The following RIN3 variants were observed in gnomAD, a reference collection of about 807,000 sequenced individuals.
RIN3 encodes Ras and Rab interactor 3.
RIN3 carries 54 observed loss-of-function variants against 76.3 expected under a neutral mutation model. That is an observed-to-expected ratio of 0.71 (90% CI 0.57 to 0.89). RIN3 has a LOEUF of 0.89. RIN3 is among the 40% of genes least tolerant of loss of function. RIN3 has a pLI of 0.00. For missense variants in RIN3, 1,256 were observed against 1,322.1 expected, an observed-to-expected ratio of 0.95 and a Z score of 0.78; for synonymous variants, 576 against 564.0, an observed-to-expected ratio of 1.02 and a Z score of -0.30.
rs1239606053 is a variant in RIN3, at chr14:92,652,117, G to C, written c.1068G>C (p.Glu356Asp). The change falls in exon 6 of 10, where the codon GAG (glutamate) becomes GAC (aspartate). Residue 356 changes from glutamate (E) to aspartate (D), a missense_variant. Glu to Asp is a conservative substitution (Grantham distance 45, BLOSUM62 2). Coordinates refer to ENST00000216487, the MANE Select transcript of RIN3 (RefSeq NM_024832.5). The surrounding 1 kb of genome is among the most constrained non-coding windows in gnomAD (Gnocchi z 6.4). ...CPTAGLGPLR[E>D]EAMKPGAASS... ...CTGCAGGCCTGGGCCCCCTCAGGGA[G>C]GAAGCGATGAAGCCAGGGGCAGCCT... 1 of 1,608,308 alleles carries C rather than the reference G, an allele frequency of 6.2e-7. No individual in the cohort carries two copies. The highest frequency in any genetic ancestry group is 2.2e-5 in the East Asian group (1 of 44,858).
chr14:92,611,530 C>T (rs7156927), intron 3 of RIN3, among the ~76,000 whole-genome samples: 76,218 of 151,938 alleles, frequency 0.5, 19,948 homozygotes, highest in Admixed American at 0.61. Context: ...TTGGATTACA[C>T]GTGTGAGCCA....
chr14:92,628,592 A>C (rs1397403460), intron 4 of RIN3, among the ~76,000 whole-genome samples: 1 of 152,130 alleles, frequency 6.6e-6, no homozygotes, highest in South Asian at 2.1e-4. Context: ...GTAATTTGAT[A>C]AGGCCACGCT....
chr14:92,662,274 C>T (rs996018175), intron 7 of RIN3, among the ~76,000 whole-genome samples: 6 of 95,764 alleles, frequency 6.3e-5, no homozygotes, highest in African/African-American at 3.8e-4. Flanking sequence ...CAGAGGTGTC[C>T]TACAGGGAAG....
chr14:92,625,832 T>G (rs749038035), intron 4 of RIN3, among the ~76,000 whole-genome samples: 32 of 152,198 alleles, frequency 2.1e-4, no homozygotes, highest in South Asian at 6.2e-4. Context: ...ATAAGTTTCA[T>G]TTTTTGTTTT....
intron 5 of RIN3, among the ~76,000 whole-genome samples, chr14:92,649,405 G>A (rs147405944): frequency 6.6e-6 from 1 of 152,088 alleles, no homozygotes. Flanking sequence ...GGCCTGTGTA[G>A]ACATGGGCAC....
chr14:92,587,198 C>G (rs996392299), intron 3 of RIN3, among the ~76,000 whole-genome samples: 1 of 152,192 alleles, frequency 6.6e-6, no homozygotes, highest in Non-Finnish European at 1.5e-5. Context: ...TAGAGCTTGA[C>G]TGTGTGGGAG....
intron 3 of RIN3, among the ~76,000 whole-genome samples, chr14:92,599,936 C>T (rs1484854005): frequency 6.6e-6 from 1 of 152,122 alleles, no homozygotes; most frequent in Non-Finnish European, 1.5e-5. Context: ...GAGCCCTGAC[C>T]CCAGGCAGTC....
chr14:92,582,111 G>C (rs2140065460), intron 3 of RIN3, among the ~76,000 whole-genome samples: 1 of 152,338 alleles, frequency 6.6e-6, no homozygotes, highest in South Asian at 2.1e-4. Flanking sequence ...AGGAGGCACA[G>C]ATGGGCCTAG....
Position 92,643,698 on chromosome 14 carries a change from C to T in RIN3, c.532+2369C>T, listed in dbSNP as rs972285548. 1.3e-5 allele frequency among the ~76,000 whole-genome samples: 2 copies of T among 152,130 alleles called. No individual in the cohort carries two copies. Among genetic ancestry groups the T allele is most frequent in the South Asian group, 2.1e-4 (1 of 4,830 alleles). On this transcript the variant is annotated intron_variant, in intron 5 of 9. Transcript: ENST00000216487. This position sits in a 1 kb window ranked among gnomAD's most constrained non-coding sequence, Gnocchi z 4.8. ...ATCTCAGCACTTTGGGAGGCCGAGG[C>T]GGGCAGATAACCTGAAGTCAGGAGT...
At chr14:92,560,143 G>C (rs1897719573) in intron 2 of RIN3, among the ~76,000 whole-genome samples, 1 of 152,210 alleles carries the variant, frequency 6.6e-6, no homozygotes, top group African/African-American at 2.4e-5. Context: ...GTGCGAGAAG[G>C]CTGGACACTC....
intron 4 of RIN3, among the ~76,000 whole-genome samples, chr14:92,629,099 T>A (rs1332737112): frequency 6.8e-6 from 1 of 147,346 alleles, no homozygotes; most frequent in Non-Finnish European, 1.5e-5. Flanking sequence ...CCACCAAGGG[T>A]CCTGAGTCGG....
intron 3 of RIN3, among the ~76,000 whole-genome samples, chr14:92,609,878 T>C (rs1885665510): frequency 2.4e-5 from 1 of 42,326 alleles, no homozygotes; most frequent in African/African-American, 5.5e-5. Flanking sequence ...TGTGTGTGTG[T>C]GTGTGTGTAT....
Position 92,685,320 on chromosome 14 carries a change from C to A in RIN3, c.2631+170C>A. The A allele has an allele frequency of 3.0e-6, 2 of 664,408 alleles. No homozygotes were observed. The highest frequency in any genetic ancestry group is 5.0e-6 in the Non-Finnish European group (2 of 396,256). The allele number at this position is 664,408 out of a possible 1,614,324, so 41.2% of individuals were successfully genotyped here. ...GAGGAAGGGCCCCCAGCCCCTGCTG[C>A]CAGTGTGTGTCCAGGACTTGGGTGC... On this transcript the variant is annotated intron_variant, in intron 9 of 9. Transcript: ENST00000216487. The surrounding 1 kb of genome is among the most constrained non-coding windows in gnomAD (Gnocchi z 4.7).
chr14:92,642,060 A>G (rs895666480), intron 5 of RIN3, among the ~76,000 whole-genome samples: 35 of 152,050 alleles, frequency 2.3e-4, no homozygotes, highest in Middle Eastern at 3.4e-3. Flanking sequence ...TGCCTCTTTC[A>G]GTGTGTGTTG....
intron 8 of RIN3, among the ~76,000 whole-genome samples, chr14:92,684,507 C>G (rs1187983688): frequency 6.6e-6 from 1 of 151,698 alleles, no homozygotes; most frequent in Non-Finnish European, 1.5e-5. Flanking sequence ...GTCCTGGAAG[C>G]ATGGTTTCTA....
chr14:92,544,133 C>A (rs767982382), intron 1 of RIN3, among the ~76,000 whole-genome samples: 12 of 152,118 alleles, frequency 7.9e-5, no homozygotes, highest in Non-Finnish European at 1.6e-4. Context: ...GTGGCAGAGT[C>A]TCCCTGCTTT....
Position 92,625,495 on chromosome 14 carries a change from CG to C in RIN3, c.440+10020del, listed in dbSNP as rs549427191. Reference sequence around the variant, plus strand: ...ACTTTAACCACATTATTAGCTGTTGCGGGGAGGGGAATGGCTTCAACTCAAT... The same window carrying C: ...ACTTTAACCACATTATTAGCTGTTGCGGGAGGGGAATGGCTTCAACTCAAT... On this transcript the variant is annotated intron_variant, in intron 4 of 9. Transcript: ENST00000216487. Among the ~76,000 whole-genome samples, 37 of 152,220 alleles carry C rather than the reference CG, an allele frequency of 2.4e-4. No individual in the cohort carries two copies. In the South Asian group the frequency reaches 7.3e-3, roughly 30 times the overall value.
intron 3 of RIN3, among the ~76,000 whole-genome samples, chr14:92,594,384 A>G (rs1405142769): frequency 6.6e-6 from 1 of 151,612 alleles, no homozygotes; most frequent in Non-Finnish European, 1.5e-5. Flanking sequence ...GTGAGCCAAG[A>G]TCATGCCATT....
intron 1 of RIN3, among the ~76,000 whole-genome samples, chr14:92,553,208 C>T (rs1595410112): frequency 6.6e-6 from 1 of 152,074 alleles, no homozygotes; most frequent in Admixed American, 6.6e-5. Flanking sequence ...AAGCTGATTG[C>T]CCTCAATCCC....
Sources: gnomAD v4.1 joint callset for allele counts (sites outside exome capture counted in the v4.1 genomes callset) on GRCh38, gnomAD v4.1.1 for gene constraint, Gnocchi (gnomAD v3.1) non-coding constraint, MANE v1.5 for transcripts, NCBI Gene and HGNC (gene_info 2026-07-23, HGNC 2026-07-21) for gene names.